Variants in CMTM8 observed in about 807,000 individuals in gnomAD.
CMTM8 encodes CKLF like MARVEL transmembrane domain containing 8, also known as CKLF-like MARVEL transmembrane domain-containing protein 8.
A neutral mutation model predicts 18.6 loss-of-function variants in CMTM8; 12 were observed. The ratio of observed to expected loss-of-function variants is 0.65; its 90% confidence interval spans 0.41 to 1.05. The LOEUF (loss-of-function observed/expected upper bound fraction) is 1.05. Ranked by LOEUF, CMTM8 falls within the 50% of genes least tolerant of loss-of-function variation. The pLI is 0.00. For missense variants in CMTM8, 217 were observed against 227.2 expected (o/e 0.95, Z 0.29); for synonymous variants, 87 against 90.6 (o/e 0.96, Z 0.23).
intron 1 of CMTM8, among the ~76,000 whole-genome samples, chr3:32,286,340 G>A (rs781319781): frequency 1.2e-4 from 18 of 152,092 alleles, no homozygotes; most frequent in Non-Finnish European, 2.2e-4. Context: ...TAGCTTATAG[G>A]TGGTGGGCTA....
At chr3:32,364,558 G>A (rs923026833) in intron 2 of CMTM8, among the ~76,000 whole-genome samples, 1 of 152,126 alleles carries the variant, frequency 6.6e-6, no homozygotes, top group Non-Finnish European at 1.5e-5. Flanking sequence ...ATGTGTACAA[G>A]GCTGATTATA....
chr3:32,286,244 C>A (rs984529530), intron 1 of CMTM8, among the ~76,000 whole-genome samples: 11 of 152,292 alleles, frequency 7.2e-5, no homozygotes, highest in South Asian at 4.1e-4. Context: ...AACTTAAAAT[C>A]TTTTAAATTG....
chr3:32,258,655 A>G (rs920609094), intron 1 of CMTM8, among the ~76,000 whole-genome samples: 3 of 152,004 alleles, frequency 2.0e-5, no homozygotes, highest in Non-Finnish European at 4.4e-5. Flanking sequence ...GACTACAGGC[A>G]TGTGCCACCA....
At chr3:32,264,408 G>C (rs553038115) in intron 1 of CMTM8, among the ~76,000 whole-genome samples, 2 of 152,146 alleles carry the variant, frequency 1.3e-5, no homozygotes, top group Non-Finnish European at 2.9e-5. Flanking sequence ...AATGCTGAGC[G>C]ATTTTGTCAC....
intron 1 of CMTM8, among the ~76,000 whole-genome samples, chr3:32,287,562 A>G (rs762898797): frequency 2.8e-4 from 43 of 152,254 alleles, no homozygotes; most frequent in Non-Finnish European, 5.1e-4. Context: ...GTCTTTATGT[A>G]TAATAGGAAT....
intron 1 of CMTM8, among the ~76,000 whole-genome samples, chr3:32,288,608 C>A (rs1702723294): frequency 6.6e-6 from 1 of 152,130 alleles, no homozygotes; most frequent in Non-Finnish European, 1.5e-5. Context: ...TCAAACAACT[C>A]CCCTGCCTCA....
At chr3:32,281,224 G>C (rs1004168305) in intron 1 of CMTM8, among the ~76,000 whole-genome samples, 47 of 152,206 alleles carry the variant, frequency 3.1e-4, no homozygotes, top group African/African-American at 1.1e-3. Context: ...CTCTCTAGTG[G>C]CTACACTGTA....
intron 1 of CMTM8, chr3:32,259,189 G>T: frequency 2.0e-6 from 1 of 490,558 alleles, no homozygotes; most frequent in East Asian, 4.4e-5. Context: ...CATCCAGAGC[G>T]GGAAGGAGAC....
At chr3:32,258,998 AG>A in intron 1 of CMTM8, 2 of 349,234 alleles carry the variant, frequency 5.7e-6, no homozygotes, top group Admixed American at 3.5e-5. Context: ...GGCTCTGTCC[AG>A]GGGCCCAGCT....
At chr3:32,254,816 A>C (rs1057062898) in intron 1 of CMTM8, among the ~76,000 whole-genome samples, 1 of 151,966 alleles carries the variant, frequency 6.6e-6, no homozygotes, top group Non-Finnish European at 1.5e-5. Context: ...TATTCATAGC[A>C]TTGTGCAATC....
intron 1 of CMTM8, among the ~76,000 whole-genome samples, chr3:32,245,112 C>T (rs1209013546): frequency 1.4e-4 from 21 of 152,094 alleles, no homozygotes; most frequent in Admixed American, 1.2e-3. Context: ...CCCATTGATT[C>T]TTTATCTGGG....
intron 1 of CMTM8, chr3:32,258,931 C>A: frequency 3.2e-6 from 1 of 315,694 alleles, no homozygotes; most frequent in South Asian, 3.5e-5. Context: ...CCCACTGCCC[C>A]CGGACAGCGT....
At position 32,357,583 on chromosome 3, in the gene CMTM8, C is replaced by T. The variant is rs754798426; in HGVS notation, c.321+37C>T. ...GTGGGTGGTGGTCTTGTCCAGTGCCCACTCGGTAGATGGCATTAGTCCTCT... is the reference window on the plus strand; with the variant it reads ...GTGGGTGGTGGTCTTGTCCAGTGCCTACTCGGTAGATGGCATTAGTCCTCT... On this transcript the variant is annotated intron_variant, in intron 2 of 3. Coordinates refer to ENST00000307526, the MANE Select transcript of CMTM8 (RefSeq NM_178868.5). 121 of 1,602,742 alleles carry T rather than the reference C, an allele frequency of 7.5e-5. No individual in the cohort carries two copies. In the Admixed American group the frequency reaches 2.0e-3, roughly 26 times the overall value.
intron 1 of CMTM8, among the ~76,000 whole-genome samples, chr3:32,342,652 G>A (rs1696521476): frequency 6.6e-6 from 1 of 152,166 alleles, no homozygotes; most frequent in Non-Finnish European, 1.5e-5. Context: ...GAGCTCTCAA[G>A]CTCAGTCCAT....
At chr3:32,367,694 G>A (rs895393376) in intron 2 of CMTM8, among the ~76,000 whole-genome samples, 178 bp from the exon 3 acceptor site, 1 of 152,084 alleles carries the variant, frequency 6.6e-6, no homozygotes, top group Non-Finnish European at 1.5e-5. Flanking sequence ...ATGAGCTGCC[G>A]TAAAACCCTC....
At chr3:32,316,916 A>C (rs1158019599) in intron 1 of CMTM8, among the ~76,000 whole-genome samples, 4 of 152,358 alleles carry the variant, frequency 2.6e-5, no homozygotes, top group South Asian at 2.1e-4. Flanking sequence ...TTGTTTTTGC[A>C]TATAATTTAC....
At chr3:32,346,001 AAAATTAGCTG>A (rs1696588139) in intron 1 of CMTM8, among the ~76,000 whole-genome samples, 1 of 152,098 alleles carries the variant, frequency 6.6e-6, no homozygotes, top group East Asian at 1.9e-4. Context: ...CTAAAAATAC[AAAATTAGCTG>A]GGCGTGGTGG....
intron 1 of CMTM8, among the ~76,000 whole-genome samples, chr3:32,351,499 G>A (rs1024384400): frequency 1.3e-5 from 2 of 152,140 alleles, no homozygotes; most frequent in African/African-American, 4.8e-5. Flanking sequence ...CTTGAGCCCA[G>A]GAGTTCGAGA....
chr3:32,332,752 T>C (rs551154619), intron 1 of CMTM8, among the ~76,000 whole-genome samples: 42 of 152,252 alleles, frequency 2.8e-4, no homozygotes, highest in Admixed American at 1.2e-3. Flanking sequence ...GAGACAGCCT[T>C]GGTCAGTGAT....
Sources: gnomAD v4.1 joint callset for allele counts (sites outside exome capture counted in the v4.1 genomes callset) on GRCh38, gnomAD v4.1.1 for gene constraint, MANE v1.5 for transcripts, NCBI Gene and HGNC (gene_info 2026-07-23, HGNC 2026-07-21) for gene names.